Variants in SLC22A14 observed in about 807,000 individuals in gnomAD.
SLC22A14 encodes the protein solute carrier family 22 member 14.
In SLC22A14, 50 loss-of-function variants were observed where a neutral mutation model predicts 53.9. The observed-to-expected ratio is 0.93, with a 90% CI of 0.74 to 1.17. The LOEUF is 1.17. Among genes scored for constraint, SLC22A14 ranks in the 50% most tolerant of loss-of-function variants. The pLI is 0.00. For missense variants in SLC22A14, 671 were observed against 734.7 expected, an observed-to-expected ratio of 0.91 and a Z score of 1.00; for synonymous variants, 312 against 303.0, an observed-to-expected ratio of 1.03 and a Z score of -0.31.
intron 2 of SLC22A14, 83 bp downstream of exon 2, chr3:38,306,625 C>T (rs975148866): frequency 1.3e-5 from 18 of 1,365,544 alleles, no homozygotes; most frequent in South Asian, 5.4e-5. Context: ...GTGGGGAAAC[C>T]GAAGCTCAGA....
chr3:38,309,229 G>A, intron 5 of SLC22A14, 107 bp downstream of exon 5: 4 of 996,946 alleles, frequency 4.0e-6, no homozygotes, highest in Middle Eastern at 2.1e-4. Flanking sequence ...TTTCCCCTGG[G>A]AGAAAGTGCA....
Position 38,307,980 on chromosome 3 carries a change from A to T in SLC22A14, c.775+260A>T. 1.9e-6 allele frequency: 1 copy of T among 525,652 alleles called. No homozygotes were observed. The highest frequency in any genetic ancestry group is 3.4e-6 in the Non-Finnish European group (1 of 290,626). The allele number at this position is 525,652 out of a possible 1,614,324, so 32.6% of individuals were successfully genotyped here. A position where few individuals can be genotyped will look rare whatever the true frequency, so the allele number is the denominator to read the frequency against. On this transcript the variant is annotated intron_variant, in intron 4 of 10. Transcript: ENST00000448498. The surrounding 1 kb of genome is among the most constrained non-coding windows in gnomAD (Gnocchi z 4.4). ...TCCTGGCTGCCTGGAGATGTCAGAGAATCAGTGCCCTGACTGCCCTTCCAC... is the reference window on the plus strand; with the variant it reads ...TCCTGGCTGCCTGGAGATGTCAGAGTATCAGTGCCCTGACTGCCCTTCCAC...
Position 38,307,631 on chromosome 3 carries a change from C to G in SLC22A14, c.686C>G (p.Ala229Gly). Reference sequence around the variant, plus strand: ...CTGATCATCTTCGGCTTTGGGACAGCCTTCATGAACAGCTTTCACCTGTAT... The same window carrying G: ...CTGATCATCTTCGGCTTTGGGACAGGCTTCATGAACAGCTTTCACCTGTAT... ...LGLIIFGFGT[A>G]FMNSFHLYLF... The change falls in exon 4 of 11, where the codon GCC becomes GGC. Residue 229 changes from alanine (A) to glycine (G), a missense_variant. By Grantham distance (60) the Ala-to-Gly change is moderately conservative. Coordinates refer to ENST00000448498, the MANE Select transcript of SLC22A14 (RefSeq NM_001320033.2). This position sits in a 1 kb window ranked among gnomAD's most constrained non-coding sequence, Gnocchi z 4.4. 3.7e-6 allele frequency: 6 copies of G among 1,614,210 alleles called. No homozygotes were observed. Among genetic ancestry groups the G allele is most frequent in the South Asian group, 1.1e-5 (1 of 91,080 alleles).
chr3:38,296,063 A>G (rs923871173), intron 1 of SLC22A14, among the ~76,000 whole-genome samples: 2 of 152,204 alleles, frequency 1.3e-5, no homozygotes, highest in African/African-American at 4.8e-5. Context: ...AGTACCTAGG[A>G]GGCAGGGATC....
intron 7 of SLC22A14, 74 bp downstream of exon 7, chr3:38,313,559 A>G: frequency 8.5e-7 from 1 of 1,173,688 alleles, no homozygotes; most frequent in Non-Finnish European, 1.3e-6. Context: ...GAGGATGGGA[A>G]TGGTCAGGCT....
In SLC22A14 at chr3:38,313,818, A is replaced by AT; in HGVS notation, c.1256dup (p.Met419IlefsTer41). Reference sequence around the variant, plus strand: ...CTTCAGACACGTGGTCCCCAGCATCATGGAGGTGCCTGCCCGGCTGTGCTG... The same window carrying AT: ...CTTCAGACACGTGGTCCCCAGCATCATTGGAGGTGCCTGCCCGGCTGTGCTG... On this transcript the variant is annotated frameshift_variant, in exon 8 of 11. Coordinates refer to ENST00000448498, the MANE Select transcript of SLC22A14 (RefSeq NM_001320033.2). LOFTEE classifies it high-confidence loss of function. 6.2e-7 allele frequency: 1 copy of AT among 1,614,108 alleles called. No individual in the cohort carries two copies. The highest frequency in any genetic ancestry group is 8.5e-7 in the Non-Finnish European group (1 of 1,180,002).
rs937647012 is a variant in SLC22A14 at position 38,307,016 on chromosome 3, A to C, written c.517-238A>C. The stretch of plus-strand genomic sequence containing the variant: ...CCTTTGCTCAGCTACCCCCTACCCC[A>C]CACACACATCTTGGCCTATGCCTCT... On this transcript the variant is annotated intron_variant, in intron 2 of 10. Coordinates refer to ENST00000448498, the MANE Select transcript of SLC22A14 (RefSeq NM_001320033.2). The surrounding 1 kb of genome is among the most constrained non-coding windows in gnomAD (Gnocchi z 4.4). Among the ~76,000 whole-genome samples, 5 of 152,138 alleles carry C rather than the reference A, an allele frequency of 3.3e-5. No individual in the cohort carries two copies. Among genetic ancestry groups the C allele is most frequent in the African/African-American group, 4.8e-5 (2 of 41,434 alleles).
chr3:38,282,529 CG>C (rs1351230649), intron 1 of SLC22A14, among the ~76,000 whole-genome samples, 190 bp downstream of exon 1: 3 of 152,136 alleles, frequency 2.0e-5, no homozygotes, highest in Non-Finnish European at 4.4e-5. Flanking sequence ...TCCCAGAAAG[CG>C]TGAGTTCTCA....
At chr3:38,302,290 T>TTA (rs1262971694) in intron 1 of SLC22A14, among the ~76,000 whole-genome samples, 1 of 145,348 alleles carries the variant, frequency 6.9e-6, no homozygotes, top group Non-Finnish European at 1.5e-5. Flanking sequence ...ACATATATAT[T>TTA]TATATATACA....
rs1194316342 is a variant in SLC22A14, at chr3:38,316,320, T to C, written c.1533-4T>C. 1 of 1,613,812 alleles carries C rather than the reference T, an allele frequency of 6.2e-7. No homozygotes were observed. Among genetic ancestry groups the C allele is most frequent in the African/African-American group, 1.3e-5 (1 of 74,868 alleles). ...CTCACAGGAGCTCTCACCTCCACTT[T>C]CAGGGCGACAGGTCTGGGGCTGGTG... is the stretch of plus-strand genomic sequence containing the variant. On this transcript the variant is annotated splice_polypyrimidine_tract_variant and splice_region_variant and intron_variant, in intron 9 of 10. Transcript: ENST00000448498.
chr3:38,285,489 C>T (rs1413053643), intron 1 of SLC22A14, among the ~76,000 whole-genome samples: 1 of 152,190 alleles, frequency 6.6e-6, no homozygotes, highest in Non-Finnish European at 1.5e-5. Flanking sequence ...AGTTTTATTG[C>T]ATGACATACT....
At chr3:38,286,844 A>AC (rs1270356666) in intron 1 of SLC22A14, among the ~76,000 whole-genome samples, 1 of 150,294 alleles carries the variant, frequency 6.7e-6, no homozygotes, top group African/African-American at 2.4e-5. Flanking sequence ...TGATTCTCCT[A>AC]CCACAGCCTC....
intron 1 of SLC22A14, among the ~76,000 whole-genome samples, chr3:38,303,082 T>C (rs1486254943): frequency 6.6e-6 from 1 of 152,122 alleles, no homozygotes. Context: ...TATTCCTTTT[T>C]GCATATATAA....
rs1704680106 is a variant in SLC22A14 at position 38,318,435 on chromosome 3, C to T, written c.*186C>T. 2.6e-5 allele frequency: 16 copies of T among 611,520 alleles called. 1 individual carries two copies. The South Asian group carries it at 2.8e-4, about 11-fold the overall frequency. The allele number at this position is 611,520 out of a possible 1,614,324, so 37.9% of individuals were successfully genotyped here. A position where few individuals can be genotyped will look rare whatever the true frequency, so the allele number is the denominator to read the frequency against. ...AAGTATGGGGTCATGGATTCCAGGCCACAAATTCCAGGCCTAGTTCAGTCT... is the reference window on the plus strand; with the variant it reads ...AAGTATGGGGTCATGGATTCCAGGCTACAAATTCCAGGCCTAGTTCAGTCT... On this transcript the variant is annotated 3_prime_UTR_variant, in exon 11 of 11. Coordinates refer to ENST00000448498, the MANE Select transcript of SLC22A14 (RefSeq NM_001320033.2).
At position 38,306,288 on chromosome 3, in the gene SLC22A14, C is replaced by G. The variant is rs929912931; in HGVS notation, c.262C>G (p.His88Asp). The G allele has an allele frequency of 3.1e-6, 5 of 1,614,122 alleles. No homozygotes were observed. The highest frequency in any genetic ancestry group is 2.2e-5 in the East Asian group (1 of 44,882). ...IMSAFFMFAD[H>D]FVFTAQKPYC... The stretch of plus-strand genomic sequence containing the variant: ...GTCGGCCTTCTTCATGTTTGCTGAC[C>G]ACTTCGTGTTCACAGCCCAGAAGCC... The change falls in exon 2 of 11, where the codon CAC becomes GAC. Residue 88 changes from histidine (H) to aspartate (D), a missense_variant. Coordinates refer to ENST00000448498, the MANE Select transcript of SLC22A14 (RefSeq NM_001320033.2).
chr3:38,294,029 CTATAAG>C (rs1230248106), intron 1 of SLC22A14, among the ~76,000 whole-genome samples: 7 of 152,286 alleles, frequency 4.6e-5, no homozygotes, highest in East Asian at 1.9e-4. Flanking sequence ...TTTTAATTTG[CTATAAG>C]TATGAGAGAG....
chr3:38,313,533 C>T lies in SLC22A14; in HGVS notation c.1163+48C>T, dbSNP rs763383009. 5 of 1,359,550 alleles carry T rather than the reference C, an allele frequency of 3.7e-6. No homozygotes were observed. In the South Asian group the frequency reaches 5.8e-5, roughly 16 times the overall value. The allele number at this position is 1,359,550 out of a possible 1,614,324, so 84.2% of individuals were successfully genotyped here. ...CAGGGACTGCGAACAGGTGCGCAGG[C>T]TGGAAACTCTAGGGAGAGGATGGGA... is the stretch of plus-strand genomic sequence containing the variant. On this transcript the variant is annotated intron_variant, in intron 7 of 10. Coordinates refer to ENST00000448498, the MANE Select transcript of SLC22A14 (RefSeq NM_001320033.2).
intron 1 of SLC22A14, among the ~76,000 whole-genome samples, chr3:38,286,421 C>CTT (rs781513917): frequency 3.5e-5 from 5 of 141,692 alleles, no homozygotes; most frequent in Non-Finnish European, 4.7e-5. Flanking sequence ...CTTTTCTTTT[C>CTT]TTTTTTTTTT....
At chr3:38,286,678 C>T (rs911169415) in intron 1 of SLC22A14, among the ~76,000 whole-genome samples, 2 of 151,438 alleles carry the variant, frequency 1.3e-5, no homozygotes, top group Non-Finnish European at 1.5e-5. Context: ...TCCCAAAGTG[C>T]TGGGATTACA....
Sources: allele counts gnomAD v4.1 joint callset (sites outside exome capture counted in the v4.1 genomes callset), GRCh38; gene constraint gnomAD v4.1.1; non-coding constraint Gnocchi (gnomAD v3.1); transcripts MANE v1.5; gene names NCBI Gene and HGNC (gene_info 2026-07-23, HGNC 2026-07-21).